The following MYO16 variants were observed in gnomAD, a reference collection of about 807,000 sequenced individuals.
MYO16 encodes unconventional myosin-XVI.
In MYO16, 94 loss-of-function variants were observed where a neutral mutation model predicts 205.3. The ratio of observed to expected loss-of-function variants is 0.46; its 90% CI spans 0.39 to 0.54. MYO16 has a LOEUF of 0.54. MYO16 is among the 20% of genes least tolerant of loss of function. The pLI is 0.00. For synonymous variants in MYO16, 988 were observed against 954.0 expected (o/e 1.04, Z -0.66); for missense variants, 2,315 against 2,387.5 (o/e 0.97, Z 0.63).
the MYO16 span, among the ~76,000 whole-genome samples, chr13:108,521,739 T>C: frequency 0.33 from 50,234 of 152,004 alleles, 10,191 homozygotes; most frequent in African/African-American, 0.57. Flanking sequence ...GTTTTGTAAA[T>C]AGAATGGCTT....
chr13:108,516,997 T>C, the MYO16 span, among the ~76,000 whole-genome samples: 5 of 152,138 alleles, frequency 3.3e-5, no homozygotes, highest in East Asian at 9.7e-4. Flanking sequence ...GCGGTGTAAT[T>C]GTAGCTTATT....
chr13:108,754,448 G>A (rs1555344314), intron 4 of MYO16, among the ~76,000 whole-genome samples: 1 of 152,164 alleles, frequency 6.6e-6, no homozygotes, highest in Non-Finnish European at 1.5e-5. Flanking sequence ...CTCTCTGACA[G>A]AAAACTATAT....
In MYO16 at chr13:109,140,170, C is replaced by CG. The variant is rs1876972952; in HGVS notation, c.4052-90dup. The CG allele has an allele frequency of 2.6e-6, 4 of 1,526,532 alleles. No homozygotes were observed. The highest frequency in any genetic ancestry group is 1.4e-5 in the African/African-American group (1 of 70,778). The allele number at this position is 1,526,532 out of a possible 1,614,324, so 94.6% of individuals were successfully genotyped here. A position where few individuals can be genotyped will look rare whatever the true frequency, so the allele number is the denominator to read the frequency against. ...CCGGTCCCTTGGGATTCTCGGGGCA[C>CG]GGGGCCGTGGCTCCCTCCGAGTCGA... On this transcript the variant is annotated intron_variant, in intron 31 of 34. Coordinates refer to ENST00000457511, the MANE Select transcript of MYO16 (RefSeq NM_001198950.3). The surrounding 1 kb of genome is among the most constrained non-coding windows in gnomAD (Gnocchi z 8.0).
chr13:109,054,708 T>G (rs1887356888), intron 25 of MYO16, among the ~76,000 whole-genome samples: 1 of 152,110 alleles, frequency 6.6e-6, no homozygotes, highest in Non-Finnish European at 1.5e-5. Context: ...GCCCATTTCC[T>G]CAACTTATAC....
the MYO16 span, among the ~76,000 whole-genome samples, chr13:108,567,346 G>C: frequency 6.6e-6 from 1 of 152,136 alleles, no homozygotes; most frequent in Non-Finnish European, 1.5e-5. Flanking sequence ...CAGACCCTTG[G>C]AGAAAAGAGG....
chr13:108,506,386 T>A, the MYO16 span, among the ~76,000 whole-genome samples: 1 of 152,150 alleles, frequency 6.6e-6, no homozygotes, highest in Non-Finnish European at 1.5e-5. Context: ...CTCTCTGGTT[T>A]AGTTTATTCC....
intron 25 of MYO16, among the ~76,000 whole-genome samples, chr13:109,052,747 C>T (rs1385737180): frequency 6.6e-6 from 1 of 152,064 alleles, no homozygotes; most frequent in Non-Finnish European, 1.5e-5. Context: ...TCATCTCTGA[C>T]TGCCTTTTTG....
At chr13:108,498,425 A>T in the MYO16 span, among the ~76,000 whole-genome samples, 3 of 152,114 alleles carry the variant, frequency 2.0e-5, no homozygotes, top group Non-Finnish European at 4.4e-5. Flanking sequence ...TGATTTGATT[A>T]CTTTCTCCTG....
chr13:108,729,823 G>A (rs752175391), intron 4 of MYO16, among the ~76,000 whole-genome samples: 3 of 151,288 alleles, frequency 2.0e-5, no homozygotes, highest in South Asian at 2.1e-4. Context: ...ATTTCTGATC[G>A]GAAAGAGCAA....
chr13:108,861,029 G>C (rs1449024858), intron 11 of MYO16, among the ~76,000 whole-genome samples: 1 of 151,696 alleles, frequency 6.6e-6, no homozygotes, highest in African/African-American at 2.4e-5. Context: ...TATTTACTTG[G>C]GTATAGAATA....
At chr13:108,617,118 G>C (rs1879376078) in intron 1 of MYO16, among the ~76,000 whole-genome samples, 1 of 152,150 alleles carries the variant, frequency 6.6e-6, no homozygotes, top group African/African-American at 2.4e-5. Context: ...TTGCCACCGA[G>C]TGTGCCATTT....
intron 23 of MYO16, among the ~76,000 whole-genome samples, chr13:109,023,297 G>A (rs576093965): frequency 1.0e-3 from 76 of 73,396 alleles, no homozygotes; most frequent in African/African-American, 4.2e-3. Context: ...ATATTATACA[G>A]ATATAAATAT....
At chr13:108,940,993 A>G (rs927274264) in intron 16 of MYO16, among the ~76,000 whole-genome samples, 1 of 152,216 alleles carries the variant, frequency 6.6e-6, no homozygotes, top group Admixed American at 6.5e-5. Flanking sequence ...GCAGCAAAAT[A>G]TGTTAATTTT....
intron 15 of MYO16, among the ~76,000 whole-genome samples, chr13:108,905,997 A>G (rs1427126085): frequency 6.6e-6 from 1 of 152,108 alleles, no homozygotes; most frequent in Non-Finnish European, 1.5e-5. Context: ...TGGCTCATTT[A>G]CTTTGTGCCC....
chr13:108,563,483 C>G, the MYO16 span, among the ~76,000 whole-genome samples: 1 of 152,142 alleles, frequency 6.6e-6, no homozygotes, highest in African/African-American at 2.4e-5. Flanking sequence ...CCCCAACACA[C>G]TCTCCCACCA....
rs372102813 is a variant in MYO16 at position 108,972,140 on chromosome 13, G to A, written c.2369+7238G>A. Among the ~76,000 whole-genome samples the A allele has an allele frequency of 1.1e-4, 15 of 137,462 alleles. No individual in the cohort carries two copies. The South Asian group carries it at 3.0e-3, about 28-fold the overall frequency. 90.2% of individuals were successfully genotyped at this position (137,462 alleles called of 152,430 possible). On this transcript the variant is annotated intron_variant, in intron 20 of 34. Coordinates refer to ENST00000457511, the MANE Select transcript of MYO16 (RefSeq NM_001198950.3). ...TGGGAGAATTGCTTCAGCCCAGGAC[G>A]GTGAGTCTGCAGTGAGTCATGATTG...
the MYO16 span, among the ~76,000 whole-genome samples, chr13:108,549,923 C>A: frequency 2.0e-5 from 3 of 152,210 alleles, no homozygotes; most frequent in Non-Finnish European, 4.4e-5. Context: ...CTGAACTGAA[C>A]TTTGGTGCAG....
At chr13:109,050,616 A>G (rs985540858) in intron 24 of MYO16, among the ~76,000 whole-genome samples, 1 of 152,172 alleles carries the variant, frequency 6.6e-6, no homozygotes, top group African/African-American at 2.4e-5. Flanking sequence ...TGCCTAAATC[A>G]GTTATTTCTT....
rs201175175 is a variant in MYO16, at chr13:108,767,100, T to TTTG, written c.508-18533_508-18532insGTT. On this transcript the variant is annotated intron_variant, in intron 4 of 34. Coordinates refer to ENST00000457511, the MANE Select transcript of MYO16 (RefSeq NM_001198950.3). Reference sequence around the variant, plus strand: ...ATCTGGGTTTTTGTTTGTTTGTTTGTTTTGTTTTGTTTTGTTTTGAGACAG... The same window carrying TTTG: ...ATCTGGGTTTTTGTTTGTTTGTTTGTTTGTTTGTTTTGTTTTGTTTTGAGACAG... Among the ~76,000 whole-genome samples the TTTG allele has an allele frequency of 1.8e-4, 24 of 132,456 alleles. No individual in the cohort carries two copies. The South Asian group carries it at 6.8e-3, about 38-fold the overall frequency. The allele number at this position is 132,456 out of a possible 152,430, so 86.9% of individuals were successfully genotyped here.
Sources: gnomAD v4.1 joint callset for allele counts (sites outside exome capture counted in the v4.1 genomes callset) on GRCh38, gnomAD v4.1.1 for gene constraint, Gnocchi (gnomAD v3.1) non-coding constraint, MANE v1.5 for transcripts, NCBI Gene and HGNC (gene_info 2026-07-23, HGNC 2026-07-21) for gene names.